Variants in SHLD1 observed in about 807,000 individuals in gnomAD.
SHLD1 encodes shieldin complex subunit 1.
A neutral mutation model predicts 5.5 loss-of-function variants in SHLD1; 3 were observed. The ratio of observed to expected loss-of-function variants is 0.54; its 90% CI spans 0.25 to 1.40. The LOEUF is 1.40. Ranked by LOEUF, SHLD1 falls within the 40% of genes most tolerant of loss-of-function variation. The pLI is 0.15. For missense variants in SHLD1, 210 were observed against 244.4 expected, an observed-to-expected ratio of 0.86 and a Z score of 0.94; for synonymous variants, 92 against 94.3, an observed-to-expected ratio of 0.98 and a Z score of 0.14.
At position 5,809,486 on chromosome 20, in the gene SHLD1, C is replaced by T. The variant is rs534458253; in HGVS notation, c.178+36443C>T. On this transcript the variant is annotated intron_variant, in intron 2 of 2. Transcript: ENST00000303142. ...GTGGGTCCCCAGTTCTGTAGTCCAG[C>T]TTGCTCCAGAGGTTATTGTCACTCT... is the stretch of plus-strand genomic sequence containing the variant. 2.0e-5 allele frequency among the ~76,000 whole-genome samples: 3 copies of T among 152,200 alleles called. No homozygotes were observed. In the South Asian group the frequency reaches 6.2e-4, roughly 32 times the overall value.
intron 2 of SHLD1, among the ~76,000 whole-genome samples, chr20:5,817,213 T>C (rs527483260): frequency 2.0e-5 from 3 of 152,328 alleles, no homozygotes; most frequent in Admixed American, 6.5e-5. Flanking sequence ...AGGTAATATT[T>C]TCCTGCTTCT....
intron 2 of SHLD1, among the ~76,000 whole-genome samples, chr20:5,811,362 T>A (rs2087456331): frequency 6.6e-6 from 1 of 152,074 alleles, no homozygotes; most frequent in Non-Finnish European, 1.5e-5. Flanking sequence ...ACTTATCAGA[T>A]TAGAAAACAT....
At chr20:5,856,098 C>T (rs2088080094) in intron 2 of SHLD1, among the ~76,000 whole-genome samples, 1 of 152,180 alleles carries the variant, frequency 6.6e-6, no homozygotes, top group Non-Finnish European at 1.5e-5. Flanking sequence ...TGAGAATTAA[C>T]CCTTTGCTGT....
At chr20:5,845,270 TAATA>T (rs1238054580) in intron 2 of SHLD1, among the ~76,000 whole-genome samples, 1 of 152,262 alleles carries the variant, frequency 6.6e-6, no homozygotes, top group African/African-American at 2.4e-5. Flanking sequence ...GGCTTCCTGC[TAATA>T]AATCATTTAA....
intron 2 of SHLD1, among the ~76,000 whole-genome samples, chr20:5,796,581 C>G (rs2087215730): frequency 6.6e-6 from 1 of 152,066 alleles, no homozygotes. Flanking sequence ...AATTCCAGCT[C>G]TTTGGGAGGC....
chr20:5,857,668 G>A (rs117387161), intron 2 of SHLD1, among the ~76,000 whole-genome samples: 1,917 of 152,008 alleles, frequency 0.013, 19 homozygotes, highest in Non-Finnish European at 0.021. Flanking sequence ...AAAGTTAGCC[G>A]GACCTGGTGG....
intron 2 of SHLD1, among the ~76,000 whole-genome samples, chr20:5,809,820 C>G (rs1230715449): frequency 6.6e-6 from 1 of 151,994 alleles, no homozygotes. Flanking sequence ...CAGAATAGTT[C>G]CCCCACCCAA....
chr20:5,835,517 G>A (rs1297585078), intron 2 of SHLD1, among the ~76,000 whole-genome samples: 1 of 152,124 alleles, frequency 6.6e-6, no homozygotes, highest in African/African-American at 2.4e-5. Flanking sequence ...CTGGGGAACT[G>A]GGGAAGGCTT....
chr20:5,752,099 C>T (rs999559447), intron 1 of SHLD1, among the ~76,000 whole-genome samples: 1 of 151,972 alleles, frequency 6.6e-6, no homozygotes, highest in African/African-American at 2.4e-5. Flanking sequence ...GGGCTAGGTG[C>T]CATGACTAGA....
intron 1 of SHLD1, among the ~76,000 whole-genome samples, chr20:5,758,184 G>A (rs1984233295): frequency 6.6e-6 from 1 of 151,280 alleles, no homozygotes; most frequent in Non-Finnish European, 1.5e-5. Context: ...GGGTAAATTG[G>A]AGAACCTGAA....
chr20:5,761,311 G>T lies in SHLD1; in HGVS notation c.-5+10832G>T, dbSNP rs145873941. ...AAGACAAATATCTAATGCATGCAGGGCTTAAAACCTAGATGACGGGTTGAT... is the reference window on the plus strand; with the variant it reads ...AAGACAAATATCTAATGCATGCAGGTCTTAAAACCTAGATGACGGGTTGAT... On this transcript the variant is annotated intron_variant, in intron 1 of 2. Coordinates refer to ENST00000303142, the MANE Select transcript of SHLD1 (RefSeq NM_152504.4). Among the ~76,000 whole-genome samples the T allele has an allele frequency of 1.5e-4, 23 of 152,014 alleles. No individual in the cohort carries two copies. In the East Asian group the frequency reaches 4.3e-3, roughly 28 times the overall value.
At chr20:5,812,356 C>T (rs73079281) in intron 2 of SHLD1, among the ~76,000 whole-genome samples, 2,164 of 152,166 alleles carry the variant, frequency 0.014, 21 homozygotes, top group African/African-American at 0.024. Flanking sequence ...TCTATGTATC[C>T]AGTATACAAT....
At chr20:5,765,381 GACT>G (rs1351027860) in intron 1 of SHLD1, among the ~76,000 whole-genome samples, 2 of 152,078 alleles carry the variant, frequency 1.3e-5, no homozygotes, top group Non-Finnish European at 2.9e-5. Flanking sequence ...GAGTAGCTGG[GACT>G]ACAGGTGCAC....
chr20:5,828,821 T>G (rs1238432855), intron 2 of SHLD1, among the ~76,000 whole-genome samples: 1 of 152,232 alleles, frequency 6.6e-6, no homozygotes, highest in South Asian at 2.1e-4. Context: ...TGATTTTATG[T>G]CATTTTATAT....
At chr20:5,790,531 C>A (rs1335761131) in intron 2 of SHLD1, among the ~76,000 whole-genome samples, 1 of 147,246 alleles carries the variant, frequency 6.8e-6, no homozygotes, top group Non-Finnish European at 1.5e-5. Context: ...CGGCTCACTG[C>A]AAACTCCGCC....
rs1212325659 is a variant in SHLD1, at chr20:5,750,434, CT to C, written c.-48del. On this transcript the variant is annotated 5_prime_UTR_variant, in exon 1 of 3. Coordinates refer to ENST00000303142, the MANE Select transcript of SHLD1 (RefSeq NM_152504.4). ...TGCGGATGGTGAGTGTGTCGGGGGG[CT>C]TGGCGGCTTTTCTCCTCAGTTTTCT... 7.1e-6 allele frequency: 1 copy of C among 139,936 alleles called. No homozygotes were observed. The highest frequency in any genetic ancestry group is 2.6e-5 in the African/African-American group (1 of 37,840). 8.7% of individuals were successfully genotyped at this position (139,936 alleles called of 1,614,324 possible). A position where few individuals can be genotyped will look rare whatever the true frequency, so the allele number is the denominator to read the frequency against.
chr20:5,837,451 C>G (rs1011321067), intron 2 of SHLD1, among the ~76,000 whole-genome samples: 4 of 152,100 alleles, frequency 2.6e-5, no homozygotes, highest in Non-Finnish European at 5.9e-5. Context: ...TCCTGATGCT[C>G]TCCCTCCCCC....
At chr20:5,831,672 A>G (rs1357141534) in intron 2 of SHLD1, among the ~76,000 whole-genome samples, 1 of 152,168 alleles carries the variant, frequency 6.6e-6, no homozygotes. Context: ...TTTAAGTGAC[A>G]GTAGTTGTGT....
intron 2 of SHLD1, among the ~76,000 whole-genome samples, chr20:5,779,373 G>A (rs547628640): frequency 6.6e-6 from 1 of 152,076 alleles, no homozygotes; most frequent in African/African-American, 2.4e-5. Context: ...AATTGTCCAG[G>A]GGCCTGGGTT....
Sources: gnomAD v4.1 joint callset for allele counts (sites outside exome capture counted in the v4.1 genomes callset) on GRCh38, gnomAD v4.1.1 for gene constraint, MANE v1.5 for transcripts, NCBI Gene and HGNC (gene_info 2026-07-23, HGNC 2026-07-21) for gene names.